The following PRDM1 variants were observed in gnomAD, a reference collection of about 807,000 sequenced individuals.
PRDM1 encodes the protein PR/SET domain 1.
A neutral mutation model predicts 62.8 loss-of-function variants in PRDM1; 13 were observed. The ratio of observed to expected loss-of-function variants is 0.21; its 90% confidence interval spans 0.13 to 0.33. The LOEUF (loss-of-function observed/expected upper bound fraction) is 0.33, where lower values mean the gene tolerates loss of function less well. Ranked by LOEUF, PRDM1 falls within the 10% of genes least tolerant of loss-of-function variation. The pLI is 1.00. For missense variants in PRDM1, 895 were observed against 1,058.8 expected, an observed-to-expected ratio of 0.85 and a Z score of 2.15; for synonymous variants, 396 against 417.6, an observed-to-expected ratio of 0.95 and a Z score of 0.63.
intron 1 of PRDM1, among the ~76,000 whole-genome samples, chr6:106,033,665 T>C (rs572536320): frequency 3.9e-5 from 6 of 152,008 alleles, no homozygotes; most frequent in Non-Finnish European, 7.4e-5. Flanking sequence ...ATAGATGAGG[T>C]TTTTTGTGTC....
chr6:106,061,684 T>C (rs1773347790), intron 1 of PRDM1, among the ~76,000 whole-genome samples: 2 of 152,220 alleles, frequency 1.3e-5, no homozygotes. Flanking sequence ...AATGTCTTAA[T>C]ACGGAAATTG....
chr6:106,108,213 T>G lies in PRDM1; in HGVS notation c.*727T>G, dbSNP rs1353111311. 1 of 233,562 alleles carries G rather than the reference T, an allele frequency of 4.3e-6. No individual in the cohort carries two copies. The highest frequency in any genetic ancestry group is 2.2e-5 in the African/African-American group (1 of 45,314). 14.5% of individuals were successfully genotyped at this position (233,562 alleles called of 1,614,324 possible). The stretch of plus-strand genomic sequence containing the variant: ...ACAAGAAAGGGAATCTTGTATATTT[T>G]TGTTGATAGTTCATGTTTTTCCCCC... On this transcript the variant is annotated 3_prime_UTR_variant, in exon 7 of 7. Transcript: ENST00000369096.
intron 1 of PRDM1, among the ~76,000 whole-genome samples, chr6:106,006,670 A>G (rs1216620049): frequency 1.3e-5 from 2 of 151,994 alleles, no homozygotes; most frequent in African/African-American, 2.4e-5. Context: ...GGTGGTACAC[A>G]TAACGAAGAA....
chr6:106,017,699 AC>A (rs1193120918), intron 1 of PRDM1, among the ~76,000 whole-genome samples: 2 of 152,106 alleles, frequency 1.3e-5, no homozygotes. Context: ...CCATTTCAAG[AC>A]CAGCTGCCCA....
intron 1 of PRDM1, among the ~76,000 whole-genome samples, chr6:106,009,055 G>A (rs375715936): frequency 6.6e-6 from 1 of 152,140 alleles, no homozygotes; most frequent in African/African-American, 2.4e-5. Flanking sequence ...ATTCTGCCAC[G>A]TTCTATGTCT....
At chr6:106,014,257 C>G (rs139729540) in intron 1 of PRDM1, among the ~76,000 whole-genome samples, 218 of 151,520 alleles carry the variant, frequency 1.4e-3, no homozygotes, top group African/African-American at 5.1e-3. Flanking sequence ...ACAGGGTCTC[C>G]CTGTGTTGCC....
At chr6:106,044,405 T>C (rs986857791), upstream of PRDM1, among the ~76,000 whole-genome samples, 1 of 152,198 alleles carries the variant, frequency 6.6e-6, no homozygotes, top group African/African-American at 2.4e-5. Context: ...AATAAATCAC[T>C]TAGTACTTTT....
chr6:106,052,624 G>T (rs1161808904), intron 1 of PRDM1, among the ~76,000 whole-genome samples: 1 of 152,042 alleles, frequency 6.6e-6, no homozygotes, highest in Non-Finnish European at 1.5e-5. Context: ...TAGGATGGCA[G>T]ATTTACACCC....
intron 1 of PRDM1, among the ~76,000 whole-genome samples, chr6:106,035,193 A>G (rs1582433543): frequency 1.3e-5 from 2 of 152,306 alleles, no homozygotes; most frequent in East Asian, 3.9e-4. Flanking sequence ...TCTAAGTTCT[A>G]TCAATTTTTG....
At chr6:106,053,972 A>G (rs1005656149) in intron 1 of PRDM1, among the ~76,000 whole-genome samples, 1 of 152,154 alleles carries the variant, frequency 6.6e-6, no homozygotes, top group African/African-American at 2.4e-5. Flanking sequence ...GTAAAAAGTC[A>G]CAGAATAAAA....
intron 4 of PRDM1, among the ~76,000 whole-genome samples, chr6:106,104,246 T>C (rs917876512): frequency 6.6e-5 from 10 of 151,866 alleles, no homozygotes; most frequent in Non-Finnish European, 1.2e-4. Flanking sequence ...AGTTTTGCTC[T>C]TGTTGCCCAG....
In PRDM1 at chr6:106,099,477, C is replaced by T. The variant is rs548550985; in HGVS notation, c.589C>T (p.Leu197Phe). The T allele has an allele frequency of 6.2e-7, 1 of 1,614,214 alleles. No homozygotes were observed. Among genetic ancestry groups the T allele is most frequent in the Non-Finnish European group, 8.5e-7 (1 of 1,180,034 alleles). The change falls in exon 4 of 7, where the codon CTT becomes TTT. Residue 197 changes from leucine (L) to phenylalanine (F), a missense_variant. Physicochemically the swap from Leu to Phe is conservative, Grantham distance 22. This residue lies in a region of PRDM1 where 213 missense variants were observed against 283.9 expected (regional missense o/e 0.75). Coordinates refer to ENST00000369096, the MANE Select transcript of PRDM1 (RefSeq NM_001198.4). ...IKPIPANQEL[L>F]VWYCRDFAER... ...GCCCATCCCTGCCAACCAGGAACTT[C>T]TTGTGTGGTATTGTCGGGACTTTGC...
chr6:106,033,799 T>TA (rs1465202138), intron 1 of PRDM1, among the ~76,000 whole-genome samples: 2 of 151,948 alleles, frequency 1.3e-5, no homozygotes, highest in African/African-American at 4.8e-5. Context: ...TTTTTTTTTT[T>TA]AAAGCTTGAG....
intron 1 of PRDM1, among the ~76,000 whole-genome samples, chr6:106,020,929 G>A (rs116114825): frequency 9.3e-4 from 141 of 152,240 alleles, no homozygotes; most frequent in African/African-American, 3.3e-3. Context: ...ACCTGCACCC[G>A]GCTCCATGCC....
At chr6:106,090,959 A>G (rs955631180) in intron 2 of PRDM1, among the ~76,000 whole-genome samples, 3 of 152,088 alleles carry the variant, frequency 2.0e-5, no homozygotes, top group Admixed American at 6.6e-5. Context: ...TGGGTTTAGA[A>G]TCATTCTGCA....
chr6:106,015,482 C>T (rs1269987611), intron 1 of PRDM1, among the ~76,000 whole-genome samples: 1 of 152,014 alleles, frequency 6.6e-6, no homozygotes, highest in East Asian at 1.9e-4. Context: ...GAATATGCCA[C>T]CTTTTGTATG....
At position 106,107,227 on chromosome 6, in the gene PRDM1, A is replaced by G; in HGVS notation, c.2219A>G (p.Asp740Gly). 1 of 1,614,210 alleles carries G rather than the reference A, an allele frequency of 6.2e-7. No individual in the cohort carries two copies. The highest frequency in any genetic ancestry group is 8.5e-7 in the Non-Finnish European group (1 of 1,180,044). The change falls in exon 7 of 7, where the codon GAC (aspartate) becomes GGC (glycine). Residue 740 changes from aspartate (D) to glycine (G), a missense_variant. Transcript: ENST00000369096. Reference sequence around the variant, plus strand: ...AAGTTTGACATCAGTGACAATGCTGACCGGCTCGAGGACGTGGAGGATGAC... The same window carrying G: ...AAGTTTGACATCAGTGACAATGCTGGCCGGCTCGAGGACGTGGAGGATGAC... ...IEKFDISDNA[D>G]RLEDVEDDIS...
intron 1 of PRDM1, among the ~76,000 whole-genome samples, chr6:106,024,233 G>A (rs1772736183): frequency 6.6e-6 from 1 of 152,152 alleles, no homozygotes; most frequent in Non-Finnish European, 1.5e-5. Context: ...ATGGAGCATG[G>A]TCCTACGGCT....
At chr6:106,017,179 T>C (rs1164386541) in intron 1 of PRDM1, among the ~76,000 whole-genome samples, 1 of 152,116 alleles carries the variant, frequency 6.6e-6, no homozygotes, top group Non-Finnish European at 1.5e-5. Context: ...TATTGGGGAG[T>C]CAAAAGTTAT....
Sources: gnomAD v4.1 joint callset for allele counts (sites outside exome capture counted in the v4.1 genomes callset) on GRCh38, gnomAD v4.1.1 for gene constraint, gnomAD v4.1.1 regional missense constraint, MANE v1.5 for transcripts, NCBI Gene and HGNC (gene_info 2026-07-23, HGNC 2026-07-21) for gene names.